The following GALNT8 variants were observed in gnomAD, a reference collection of about 807,000 sequenced individuals.
GALNT8 encodes the protein polypeptide N-acetylgalactosaminyltransferase 8.
A neutral mutation model predicts 62.7 loss-of-function variants in GALNT8; 66 were observed. The ratio of observed to expected loss-of-function variants is 1.05; its 90% CI spans 0.86 to 1.29. GALNT8 has a LOEUF of 1.29. Ranked by LOEUF, GALNT8 falls within the 50% of genes most tolerant of loss-of-function variation. The pLI is 0.00. For synonymous variants in GALNT8, 288 were observed against 294.3 expected (o/e 0.98, Z 0.22); for missense variants, 771 against 791.8 (o/e 0.97, Z 0.32).
At chr12:4,723,750 CTTTT>C (rs539656719) in intron 1 of GALNT8, among the ~76,000 whole-genome samples, 1 of 124,906 alleles carries the variant, frequency 8.0e-6, no homozygotes, top group Non-Finnish European at 1.7e-5. Context: ...ATCACCAATG[CTTTT>C]TTTTTTTTTT....
At chr12:4,744,091 A>G (rs191082096) in intron 3 of GALNT8, among the ~76,000 whole-genome samples, 1 of 152,336 alleles carries the variant, frequency 6.6e-6, no homozygotes, top group East Asian at 1.9e-4. Flanking sequence ...CTAAAACAAA[A>G]CAATTTTAGT....
At chr12:4,759,748 A>C (rs1346012421) in intron 6 of GALNT8, among the ~76,000 whole-genome samples, 1 of 152,096 alleles carries the variant, frequency 6.6e-6, no homozygotes, top group African/African-American at 2.4e-5. Flanking sequence ...TCCCATTGGC[A>C]TGAGCGTGGT....
rs569400830 is a variant in GALNT8 at position 4,741,617 on chromosome 12, C to T, written c.676+2288C>T. Among the ~76,000 whole-genome samples the T allele has an allele frequency of 5.9e-5, 9 of 151,570 alleles. No individual in the cohort carries two copies. In the South Asian group the frequency reaches 1.3e-3, roughly 21 times the overall value. ...TCAATACTATACTCTATGGCCTATA[C>T]GCTATGTTCCATGGGGTGTAGATAA... On this transcript the variant is annotated intron_variant, in intron 3 of 10. Coordinates refer to ENST00000252318, the MANE Select transcript of GALNT8 (RefSeq NM_017417.2).
intron 1 of GALNT8, among the ~76,000 whole-genome samples, chr12:4,722,907 T>C (rs1946177424): frequency 6.6e-6 from 1 of 150,776 alleles, no homozygotes; most frequent in Non-Finnish European, 1.5e-5. Context: ...AGAAAAGAGC[T>C]GGGACAGGAA....
intron 1 of GALNT8, among the ~76,000 whole-genome samples, chr12:4,722,411 A>G (rs545006063): frequency 6.6e-6 from 1 of 152,330 alleles, no homozygotes; most frequent in East Asian, 1.9e-4. Flanking sequence ...GGAGATGATG[A>G]TAACAATAGT....
intron 2 of GALNT8, among the ~76,000 whole-genome samples, chr12:4,736,983 C>G (rs1227906953): frequency 6.6e-6 from 1 of 152,118 alleles, no homozygotes; most frequent in African/African-American, 2.4e-5. Context: ...GTTATAATGA[C>G]AATGTCTCAT....
At chr12:4,760,840 T>G in intron 6 of GALNT8, 118 bp from the exon 7 acceptor site, 1 of 741,784 alleles carries the variant, frequency 1.3e-6, no homozygotes, top group East Asian at 2.6e-5. Flanking sequence ...AAGGCAGGAG[T>G]GGGAGGACTG....
chr12:4,745,353 T>A, intron 4 of GALNT8, 76 bp from the exon 5 acceptor site: 1 of 932,148 alleles, frequency 1.1e-6, no homozygotes, highest in Non-Finnish European at 1.8e-6. Context: ...GCAAGGTGCT[T>A]GGAACAGCTT....
chr12:4,726,856 A>G lies in GALNT8; in HGVS notation c.509+27A>G, dbSNP rs1380909294. The G allele has an allele frequency of 1.3e-6, 2 of 1,573,948 alleles. No homozygotes were observed. Among genetic ancestry groups the G allele is most frequent in the East Asian group, 2.2e-5 (1 of 44,528 alleles). On this transcript the variant is annotated intron_variant, in intron 2 of 10. Transcript: ENST00000252318. The surrounding 1 kb of genome is among the most constrained non-coding windows in gnomAD (Gnocchi z 4.1). ...TGGGATGAACCAGGCTTGGGCTTCT[A>G]GGGTCCTCAGTTTGATTTGAGGATG...
rs1401722957 is a variant in GALNT8 at position 4,761,207 on chromosome 12, T to TG, written c.1359+68dup. The TG allele has an allele frequency of 7.1e-6, 10 of 1,413,834 alleles. No individual in the cohort carries two copies. The East Asian group carries it at 1.8e-4, about 26-fold the overall frequency. 87.6% of individuals were successfully genotyped at this position (1,413,834 alleles called of 1,614,324 possible). On this transcript the variant is annotated intron_variant, in intron 7 of 10. Coordinates refer to ENST00000252318, the MANE Select transcript of GALNT8 (RefSeq NM_017417.2). ...AGAGGAGGAGGTGGCGGTTATGTAA[T>TG]GGGGAGGGATAAAGCAAAAGTGCCA... is the stretch of plus-strand genomic sequence containing the variant.
chr12:4,729,355 A>G (rs1946210955), intron 2 of GALNT8, among the ~76,000 whole-genome samples: 1 of 152,142 alleles, frequency 6.6e-6, no homozygotes, highest in Non-Finnish European at 1.5e-5. Context: ...ATGTCGTACA[A>G]TACAACTCTT....
At chr12:4,735,448 C>G (rs1946240256) in intron 2 of GALNT8, among the ~76,000 whole-genome samples, 1 of 152,050 alleles carries the variant, frequency 6.6e-6, no homozygotes, top group Non-Finnish European at 1.5e-5. Context: ...CCCTGCAGGT[C>G]CTAGCATACA....
chr12:4,748,038 G>A (rs1412695149), intron 6 of GALNT8, among the ~76,000 whole-genome samples: 1 of 151,896 alleles, frequency 6.6e-6, no homozygotes, highest in African/African-American at 2.4e-5. Context: ...ATGTCTATTC[G>A]AATCTTTTGC....
chr12:4,761,881 A>G (rs933746023), intron 7 of GALNT8, among the ~76,000 whole-genome samples: 1 of 152,074 alleles, frequency 6.6e-6, no homozygotes, highest in African/African-American at 2.4e-5. Flanking sequence ...TCATCCCTCC[A>G]TCGTAGTGGG....
intron 4 of GALNT8, 116 bp from the exon 5 acceptor site, chr12:4,745,313 G>C (rs776625531): frequency 1.9e-4 from 132 of 702,718 alleles, no homozygotes; most frequent in Non-Finnish European, 3.2e-4. Flanking sequence ...ACCCAGTACA[G>C]CCTAAATGGA....
rs10437820 is a variant in GALNT8 at position 4,738,353 on chromosome 12, G to A, written c.510-810G>A. On this transcript the variant is annotated intron_variant, in intron 2 of 10. Coordinates refer to ENST00000252318, the MANE Select transcript of GALNT8 (RefSeq NM_017417.2). Reference sequence around the variant, plus strand: ...AAATGACAGCAAATCTTGGGAGATAGGGGTTGGCAAGAGTTTCTTAGGTAT... The same window carrying A: ...AAATGACAGCAAATCTTGGGAGATAAGGGTTGGCAAGAGTTTCTTAGGTAT... Among the ~76,000 whole-genome samples, 869 of 152,322 alleles carry A rather than the reference G, an allele frequency of 5.7e-3. 11 individuals are homozygous for A. Among genetic ancestry groups the A allele is most frequent in the African/African-American group, 0.02 (816 of 41,576 alleles).
chr12:4,735,646 C>A (rs1415483151), intron 2 of GALNT8, among the ~76,000 whole-genome samples: 2 of 152,224 alleles, frequency 1.3e-5, no homozygotes, highest in East Asian at 3.8e-4. Context: ...GTCCCAAGAA[C>A]ACGGGGCTCC....
intron 2 of GALNT8, among the ~76,000 whole-genome samples, chr12:4,738,028 C>T (rs1276070522): frequency 6.6e-6 from 1 of 152,222 alleles, no homozygotes; most frequent in Non-Finnish European, 1.5e-5. Flanking sequence ...GAACATTCAA[C>T]TCTAGCCTGC....
At chr12:4,762,667 T>G (rs142909107) in intron 7 of GALNT8, among the ~76,000 whole-genome samples, 1 of 152,190 alleles carries the variant, frequency 6.6e-6, no homozygotes, top group Non-Finnish European at 1.5e-5. Flanking sequence ...GGTTTAAGGT[T>G]TTTCCACTTT....
Sources: gnomAD v4.1 joint callset for allele counts (sites outside exome capture counted in the v4.1 genomes callset) on GRCh38, gnomAD v4.1.1 for gene constraint, Gnocchi (gnomAD v3.1) non-coding constraint, MANE v1.5 for transcripts, NCBI Gene and HGNC (gene_info 2026-07-23, HGNC 2026-07-21) for gene names.